Variants in ERC2 observed in about 807,000 individuals in gnomAD.
ERC2 encodes ERC protein 2.
A neutral mutation model predicts 114.8 loss-of-function variants in ERC2; 42 were observed. The ratio of observed to expected loss-of-function variants is 0.37; its 90% confidence interval spans 0.29 to 0.47. The LOEUF (loss-of-function observed/expected upper bound fraction) is 0.47. Among genes scored for constraint, ERC2 ranks in the 20% least tolerant of loss-of-function variants. The pLI is 0.99. For missense variants in ERC2, 939 were observed against 1,150.7 expected, an observed-to-expected ratio of 0.82 and a Z score of 2.66; for synonymous variants, 454 against 425.5, an observed-to-expected ratio of 1.07 and a Z score of -0.82.
chr3:56,314,941 G>A (rs1014412771), intron 2 of ERC2, among the ~76,000 whole-genome samples: 1 of 152,190 alleles, frequency 6.6e-6, no homozygotes, highest in Non-Finnish European at 1.5e-5. Context: ...CTGCACTGCA[G>A]AGGGCATGTT....
At chr3:56,150,283 T>C (rs1560261894) in intron 4 of ERC2, among the ~76,000 whole-genome samples, 1 of 152,198 alleles carries the variant, frequency 6.6e-6, no homozygotes, top group Non-Finnish European at 1.5e-5. Flanking sequence ...AACAAATGTG[T>C]CTGTCCTGAT....
At chr3:56,006,258 C>T (rs2072482622) in intron 10 of ERC2, among the ~76,000 whole-genome samples, 1 of 151,976 alleles carries the variant, frequency 6.6e-6, no homozygotes, top group Admixed American at 6.6e-5. Context: ...TTTAAGATAT[C>T]TAGAGTAATT....
intron 6 of ERC2, among the ~76,000 whole-genome samples, chr3:56,085,493 G>T (rs1434934765): frequency 6.6e-6 from 1 of 152,178 alleles, no homozygotes; most frequent in East Asian, 1.9e-4. Context: ...ACAGGGCCTG[G>T]AAAGGTGGAG....
intron 7 of ERC2, among the ~76,000 whole-genome samples, chr3:56,045,046 C>A (rs949288610): frequency 6.6e-6 from 1 of 152,058 alleles, no homozygotes; most frequent in Non-Finnish European, 1.5e-5. Flanking sequence ...GGATATAGAA[C>A]GTATTTTATG....
Position 55,952,136 on chromosome 3 carries a change from AACACACACACAC to A in ERC2, c.2268-1588_2268-1577del, listed in dbSNP as rs778299355. On this transcript the variant is annotated intron_variant, in intron 12 of 17. Transcript: ENST00000288221. Reference sequence around the variant, plus strand: ...CAACATAGCAAGGCCCCATCTCTAAAACACACACACACACACACACACACACACACACACACA... The same window carrying A: ...CAACATAGCAAGGCCCCATCTCTAAAACACACACACACACACACACACACA... Among the ~76,000 whole-genome samples the A allele has an allele frequency of 4.0e-4, 30 of 75,468 alleles. 1 individual carries two copies. Among genetic ancestry groups the A allele is most frequent in the African/African-American group, 1.1e-3 (25 of 23,436 alleles). 49.5% of individuals were successfully genotyped at this position (75,468 alleles called of 152,430 possible).
chr3:56,325,714 G>A (rs1354786291), intron 2 of ERC2, among the ~76,000 whole-genome samples: 1 of 152,084 alleles, frequency 6.6e-6, no homozygotes, highest in African/African-American at 2.4e-5. Context: ...ACCCTGCACT[G>A]AGCCCTATGC....
intron 10 of ERC2, among the ~76,000 whole-genome samples, chr3:55,999,152 T>G (rs1240844772): frequency 1.3e-5 from 2 of 152,166 alleles, no homozygotes; most frequent in Non-Finnish European, 2.9e-5. Context: ...AACACGCATA[T>G]TATTTGTTTA....
chr3:55,920,969 G>T lies in ERC2; in HGVS notation c.2403+29456C>A, dbSNP rs114798982. On this transcript the variant is annotated intron_variant, in intron 13 of 17. Transcript: ENST00000288221. The stretch of plus-strand genomic sequence containing the variant: ...GATGACACTGGGCTTCAAACCTAGG[G>T]GGCTAAGTTTGATGGCAGAGACTGA... Among the ~76,000 whole-genome samples, 1,181 of 152,128 alleles carry T rather than the reference G, an allele frequency of 7.8e-3. 18 individuals carry two copies. Among genetic ancestry groups the T allele is most frequent in the African/African-American group, 0.026 (1,084 of 41,488 alleles).
At chr3:56,260,446 C>T (rs533134169) in intron 3 of ERC2, among the ~76,000 whole-genome samples, 17 of 152,244 alleles carry the variant, frequency 1.1e-4, no homozygotes, top group Non-Finnish European at 2.4e-4. Context: ...ATCGCCCCCG[C>T]GCCCCAGCCC....
chr3:56,167,127 C>T (rs2082361420), intron 4 of ERC2, among the ~76,000 whole-genome samples: 1 of 152,122 alleles, frequency 6.6e-6, no homozygotes, highest in Non-Finnish European at 1.5e-5. Context: ...TCTCCAAATG[C>T]TACCTTCTCC....
At chr3:55,657,729 G>A (rs1189828975) in intron 17 of ERC2, 2 of 152,062 alleles carry the variant, frequency 1.3e-5, no homozygotes, top group African/African-American at 4.8e-5. Context: ...CAAAGTGTTG[G>A]GATTACAGGT....
At chr3:55,862,212 A>AT (rs1187739643) in intron 14 of ERC2, among the ~76,000 whole-genome samples, 22 of 150,974 alleles carry the variant, frequency 1.5e-4, no homozygotes, top group East Asian at 7.7e-4. Context: ...ATATTCACAC[A>AT]TTTTTTTTGG....
At chr3:56,359,035 A>C (rs2058848766) in intron 2 of ERC2, among the ~76,000 whole-genome samples, 1 of 152,236 alleles carries the variant, frequency 6.6e-6, no homozygotes, top group Non-Finnish European at 1.5e-5. Flanking sequence ...TAAGGGGCTA[A>C]CTCAGTTGAC....
chr3:56,373,926 G>A (rs904887067), intron 2 of ERC2, among the ~76,000 whole-genome samples: 2 of 151,908 alleles, frequency 1.3e-5, no homozygotes, highest in Non-Finnish European at 2.9e-5. Context: ...ATTCTTGCTC[G>A]TGGGCTATAC....
intron 6 of ERC2, among the ~76,000 whole-genome samples, chr3:56,108,573 T>C (rs954475530): frequency 3.3e-5 from 5 of 152,126 alleles, no homozygotes; most frequent in Non-Finnish European, 5.9e-5. Context: ...ATAAACTTAA[T>C]AAGCATCATA....
At chr3:55,789,894 C>T (rs1406270302) in intron 14 of ERC2, among the ~76,000 whole-genome samples, 5 of 152,084 alleles carry the variant, frequency 3.3e-5, no homozygotes, top group Non-Finnish European at 5.9e-5. Flanking sequence ...GCATTGACAC[C>T]GTTGGGAAAT....
chr3:56,132,446 A>G (rs1347673234), intron 6 of ERC2, among the ~76,000 whole-genome samples: 1 of 152,192 alleles, frequency 6.6e-6, no homozygotes, highest in Non-Finnish European at 1.5e-5. Context: ...CGGGCTCAGA[A>G]AACACCTCCT....
intron 17 of ERC2, among the ~76,000 whole-genome samples, chr3:55,611,309 G>A (rs987560651): frequency 1.3e-5 from 2 of 152,092 alleles, no homozygotes; most frequent in Non-Finnish European, 2.9e-5. Context: ...TGTCCTCTCC[G>A]TGAGCTAATT....
chr3:56,068,907 CTG>C (rs2149724152), intron 7 of ERC2, among the ~76,000 whole-genome samples: 1 of 152,126 alleles, frequency 6.6e-6, no homozygotes, highest in Non-Finnish European at 1.5e-5. Flanking sequence ...GTCTGAGAGA[CTG>C]TTATGATTTC....
Sources: gnomAD v4.1 joint callset for allele counts (sites outside exome capture counted in the v4.1 genomes callset) on GRCh38, gnomAD v4.1.1 for gene constraint, MANE v1.5 for transcripts, NCBI Gene and HGNC (gene_info 2026-07-23, HGNC 2026-07-21) for gene names.